MYRIP: variants seen among roughly 807,000 people sequenced by gnomAD.
MYRIP encodes rab effector MyRIP.
MYRIP carries 49 observed loss-of-function variants against 98.0 expected under a neutral mutation model. The observed-to-expected ratio is 0.50, with a 90% CI of 0.40 to 0.63. The LOEUF is 0.63. Among genes scored for constraint, MYRIP ranks in the 30% least tolerant of loss-of-function variants. MYRIP has a pLI of 0.00. For synonymous variants in MYRIP, 404 were observed against 409.5 expected, an observed-to-expected ratio of 0.99 and a Z score of 0.16; for missense variants, 1,004 against 1,058.2, an observed-to-expected ratio of 0.95 and a Z score of 0.71.
chr3:39,946,498 A>G (rs725294), intron 2 of MYRIP, among the ~76,000 whole-genome samples: 28,935 of 152,046 alleles, frequency 0.19, 4,009 homozygotes, highest in African/African-American at 0.39. Context: ...GCTAGGAACG[A>G]AAGGTCAGAG....
intron 3 of MYRIP, among the ~76,000 whole-genome samples, chr3:40,124,540 T>A (rs1559410345): frequency 6.6e-6 from 1 of 152,210 alleles, no homozygotes; most frequent in East Asian, 1.9e-4. Flanking sequence ...TGCCTCCCCA[T>A]GCACCTGTGC....
chr3:40,257,053 A>C (rs1953616517), intron 16 of MYRIP, among the ~76,000 whole-genome samples: 1 of 152,342 alleles, frequency 6.6e-6, no homozygotes, highest in South Asian at 2.1e-4. Context: ...AGGCCAAGCA[A>C]GGTGGCTCAC....
At chr3:39,866,626 A>G (rs1942636235) in intron 1 of MYRIP, among the ~76,000 whole-genome samples, 1 of 152,112 alleles carries the variant, frequency 6.6e-6, no homozygotes, top group Admixed American at 6.6e-5. Context: ...AAATTTGCCC[A>G]TGGTGGTAAA....
In MYRIP at chr3:40,185,267, C is replaced by T. The variant is rs537519051; in HGVS notation, c.1027+2894C>T. On this transcript the variant is annotated intron_variant, in intron 9 of 16. Transcript: ENST00000302541. Reference sequence around the variant, plus strand: ...ACAGTAACTCCGCTTTCAGTCTTGACGCTGCTTATAGCAGTTAATGGGTTT... The same window carrying T: ...ACAGTAACTCCGCTTTCAGTCTTGATGCTGCTTATAGCAGTTAATGGGTTT... Among the ~76,000 whole-genome samples, 7 of 152,190 alleles carry T rather than the reference C, an allele frequency of 4.6e-5. 1 individual carries two copies. The highest frequency in any genetic ancestry group is 1.0e-4 in the Non-Finnish European group (7 of 68,040).
At chr3:39,974,172 T>C (rs1269272912) in intron 2 of MYRIP, among the ~76,000 whole-genome samples, 3 of 150,984 alleles carry the variant, frequency 2.0e-5, no homozygotes, top group African/African-American at 7.3e-5. Context: ...ATAAAGAAGA[T>C]AAAAGAGAAG....
Position 39,948,290 on chromosome 3 carries a change from A to T in MYRIP, c.110+47364A>T, listed in dbSNP as rs1213449132. 2.0e-5 allele frequency among the ~76,000 whole-genome samples: 3 copies of T among 152,136 alleles called. No homozygotes were observed. The East Asian group carries it at 5.8e-4, about 29-fold the overall frequency. ...TGGGACTCAAAAAATTTTTAAAGAGAAAGTTTTTATCATGAGCAGTTTATA... is the reference window on the plus strand; with the variant it reads ...TGGGACTCAAAAAATTTTTAAAGAGTAAGTTTTTATCATGAGCAGTTTATA... On this transcript the variant is annotated intron_variant, in intron 2 of 16. Transcript: ENST00000302541.
chr3:39,988,257 A>G (rs9852934), intron 2 of MYRIP, among the ~76,000 whole-genome samples: 15,299 of 151,906 alleles, frequency 0.1, 1,339 homozygotes, highest in African/African-American at 0.23. Flanking sequence ...ACATGTATAC[A>G]TATGTAACTA....
At chr3:39,958,700 G>A (rs75453871) in intron 2 of MYRIP, among the ~76,000 whole-genome samples, 40,406 of 152,066 alleles carry the variant, frequency 0.27, 5,856 homozygotes, top group Middle Eastern at 0.36. Context: ...AAACTAAAGA[G>A]CTTCTGCACA....
At chr3:40,121,229 G>T (rs555179056) in intron 3 of MYRIP, among the ~76,000 whole-genome samples, 2 of 152,108 alleles carry the variant, frequency 1.3e-5, no homozygotes, top group Admixed American at 1.3e-4. Flanking sequence ...AGGGACCAAG[G>T]GTACCCTCAC....
chr3:39,989,678 C>A (rs536694293), intron 2 of MYRIP, among the ~76,000 whole-genome samples: 1 of 152,214 alleles, frequency 6.6e-6, no homozygotes, highest in African/African-American at 2.4e-5. Context: ...GGGCTCAGGC[C>A]CAGGGAGATC....
intron 1 of MYRIP, among the ~76,000 whole-genome samples, chr3:39,900,351 AT>A (rs142392094): frequency 0.24 from 36,889 of 151,026 alleles, 6,250 homozygotes; most frequent in African/African-American, 0.48. Context: ...AAGTATTATA[AT>A]TTTTTTTATA....
chr3:39,847,458 A>G (rs970523721), intron 1 of MYRIP, among the ~76,000 whole-genome samples: 5 of 152,106 alleles, frequency 3.3e-5, no homozygotes, highest in Admixed American at 1.3e-4. Flanking sequence ...TGATAGTTAC[A>G]CTTCTTGTTT....
At position 40,061,931 on chromosome 3, in the gene MYRIP, C is replaced by A. The variant is rs369215003; in HGVS notation, c.332+17660C>A. On this transcript the variant is annotated intron_variant, in intron 3 of 16. Coordinates refer to ENST00000302541, the MANE Select transcript of MYRIP (RefSeq NM_015460.4). ...AGTGTCTGTTCATGAACTTTGCCCA[C>A]TTTGTAATGGGGATATTTATTTTTC... Among the ~76,000 whole-genome samples, 10 of 152,250 alleles carry A rather than the reference C, an allele frequency of 6.6e-5. No individual in the cohort carries two copies. In the South Asian group the frequency reaches 2.1e-3, roughly 32 times the overall value.
intron 12 of MYRIP, among the ~76,000 whole-genome samples, chr3:40,236,454 TG>T (rs1575666592): frequency 6.6e-6 from 1 of 152,202 alleles, no homozygotes; most frequent in East Asian, 1.9e-4. Flanking sequence ...CTGATGACTT[TG>T]GAGTTCAGGA....
chr3:40,172,352 A>G (rs2679804), intron 8 of MYRIP, among the ~76,000 whole-genome samples: 6,808 of 152,162 alleles, frequency 0.045, 199 homozygotes, highest in Admixed American at 0.065. Flanking sequence ...TGAAACCAAG[A>G]CTTGAAAGAT....
chr3:40,221,554 C>T (rs369127319), intron 11 of MYRIP, among the ~76,000 whole-genome samples: 2 of 152,228 alleles, frequency 1.3e-5, no homozygotes, highest in South Asian at 2.1e-4. Context: ...TCACTTAAGC[C>T]CAGGAAATGG....
At chr3:40,117,466 C>G (rs746018885) in intron 3 of MYRIP, among the ~76,000 whole-genome samples, 2 of 152,158 alleles carry the variant, frequency 1.3e-5, no homozygotes, top group Non-Finnish European at 2.9e-5. Context: ...CAGGTTATTC[C>G]CATTTCTACA....
intron 2 of MYRIP, among the ~76,000 whole-genome samples, chr3:40,015,636 G>A (rs186935667): frequency 1.3e-3 from 200 of 152,338 alleles, no homozygotes; most frequent in African/African-American, 4.5e-3. Flanking sequence ...GGCCTGGTAA[G>A]CTCCTTAGCC....
intron 3 of MYRIP, among the ~76,000 whole-genome samples, chr3:40,078,219 G>C (rs1416075373): frequency 6.6e-6 from 1 of 152,220 alleles, no homozygotes. Flanking sequence ...TGGCTGCTCC[G>C]AGTGCGGCCC....
Sources: gnomAD v4.1 joint callset for allele counts (sites outside exome capture counted in the v4.1 genomes callset) on GRCh38, gnomAD v4.1.1 for gene constraint, MANE v1.5 for transcripts, NCBI Gene and HGNC (gene_info 2026-07-23, HGNC 2026-07-21) for gene names.